The following ASXL3 variants were observed in gnomAD, a reference collection of about 807,000 sequenced individuals.
The protein encoded by ASXL3 is putative Polycomb group protein ASXL3.
In ASXL3, 34 loss-of-function variants were observed where a neutral mutation model predicts 170.6. The ratio of observed to expected loss-of-function variants is 0.20; its 90% CI spans 0.15 to 0.27. The LOEUF (loss-of-function observed/expected upper bound fraction) is 0.27. Ranked by LOEUF, ASXL3 falls within the 10% of genes least tolerant of loss-of-function variation. The probability of loss-of-function intolerance (pLI) is 1.00; values close to 1 mark genes in which losing one functional copy is unlikely to be tolerated. For synonymous variants in ASXL3, 1,002 were observed against 989.1 expected, an observed-to-expected ratio of 1.01 and a Z score of -0.24; for missense variants, 2,592 against 2,695.3, an observed-to-expected ratio of 0.96 and a Z score of 0.85.
At chr18:33,670,966 G>A (rs1015487445) in intron 6 of ASXL3, among the ~76,000 whole-genome samples, 176 bp downstream of exon 6, 1 of 152,070 alleles carries the variant, frequency 6.6e-6, no homozygotes, top group African/African-American at 2.4e-5. Flanking sequence ...TTCCAGTTCA[G>A]AAAAGAAAAA....
rs777664151 is a variant in ASXL3 at position 33,744,046 on chromosome 18, T to G, written c.4198T>G (p.Ser1400Ala). The change falls in exon 12 of 12, where the codon TCT becomes GCT. Residue 1400 changes from serine to alanine, a missense_variant. Transcript: ENST00000269197. ...TVRAALSCSDSVAVTDSLVAH... is the reference protein window; with the variant it reads ...TVRAALSCSDAVAVTDSLVAH... The stretch of plus-strand genomic sequence containing the variant: ...GAGAGCAGCCCTCAGCTGCAGTGAT[T>G]CTGTAGCGGTCACAGACTCTCTGGT... 2.5e-6 allele frequency: 4 copies of G among 1,614,014 alleles called. No individual in the cohort carries two copies. The highest frequency in any genetic ancestry group is 3.4e-6 in the Non-Finnish European group (4 of 1,179,884).
intron 5 of ASXL3, among the ~76,000 whole-genome samples, chr18:33,669,137 A>G (rs1022831848): frequency 6.6e-6 from 1 of 152,168 alleles, no homozygotes; most frequent in East Asian, 1.9e-4. Context: ...TCTATAAAGT[A>G]CTTTGAATTC....
At chr18:33,645,072 A>G in intron 3 of ASXL3, 70 bp downstream of exon 3, 1 of 1,030,098 alleles carries the variant, frequency 9.7e-7, no homozygotes. Flanking sequence ...GAAGGTAAAC[A>G]AAATTAGATT....
At chr18:33,631,377 A>G (rs1169640146) in intron 2 of ASXL3, among the ~76,000 whole-genome samples, 1 of 152,088 alleles carries the variant, frequency 6.6e-6, no homozygotes, top group African/African-American at 2.4e-5. Context: ...CACCTAATAA[A>G]TTAATCAGTC....
chr18:33,713,891 C>T (rs1486169086), intron 8 of ASXL3, among the ~76,000 whole-genome samples: 2 of 152,134 alleles, frequency 1.3e-5, no homozygotes, highest in African/African-American at 2.4e-5. Context: ...AGGTACATTC[C>T]TAGAAAGAAA....
At chr18:33,692,024 G>A (rs1002475079) in intron 8 of ASXL3, among the ~76,000 whole-genome samples, 5 of 152,204 alleles carry the variant, frequency 3.3e-5, no homozygotes, top group African/African-American at 1.2e-4. Context: ...AAAACCATGG[G>A]AGTGAGAATG....
intron 4 of ASXL3, among the ~76,000 whole-genome samples, chr18:33,659,381 G>T (rs1243309665): frequency 1.3e-5 from 2 of 151,944 alleles, no homozygotes; most frequent in South Asian, 2.1e-4. Context: ...TCCTTTAAAC[G>T]AACTAACCTG....
chr18:33,652,217 G>C (rs1461890589), intron 4 of ASXL3, among the ~76,000 whole-genome samples: 1 of 151,910 alleles, frequency 6.6e-6, no homozygotes, highest in Non-Finnish European at 1.5e-5. Flanking sequence ...TGTCTGAGTT[G>C]TTTTCTGAGC....
At chr18:33,631,731 C>T (rs1274540400) in intron 2 of ASXL3, among the ~76,000 whole-genome samples, 1 of 152,086 alleles carries the variant, frequency 6.6e-6, no homozygotes, top group Non-Finnish European at 1.5e-5. Context: ...ACCTCAGCCC[C>T]ATCCAGATAT....
intron 4 of ASXL3, among the ~76,000 whole-genome samples, chr18:33,651,634 T>C (rs1331105846): frequency 3.9e-5 from 6 of 152,108 alleles, no homozygotes; most frequent in Non-Finnish European, 7.4e-5. Context: ...GCTACCATAG[T>C]GTTATATTGG....
At chr18:33,605,598 G>T (rs2145120280) in intron 1 of ASXL3, 1 of 152,310 alleles carries the variant, frequency 6.6e-6, no homozygotes, top group South Asian at 2.1e-4. Context: ...ATTGCTGGGA[G>T]GAGCTGCCCA....
intron 2 of ASXL3, among the ~76,000 whole-genome samples, chr18:33,619,290 A>G (rs964570774): frequency 1.3e-5 from 2 of 152,244 alleles, no homozygotes; most frequent in South Asian, 4.1e-4. Flanking sequence ...ATAAGATTCT[A>G]TCGAGTAAAC....
intron 5 of ASXL3, among the ~76,000 whole-genome samples, chr18:33,664,594 A>G (rs773739310): frequency 3.9e-5 from 6 of 152,164 alleles, no homozygotes; most frequent in Non-Finnish European, 5.9e-5. Flanking sequence ...CCTAAAACCA[A>G]ATAGCTTTAT....
At chr18:33,667,854 A>T (rs1340207654) in intron 5 of ASXL3, among the ~76,000 whole-genome samples, 1 of 152,242 alleles carries the variant, frequency 6.6e-6, no homozygotes, top group Non-Finnish European at 1.5e-5. Context: ...ACCATTATAA[A>T]TCAGCAGCAC....
In ASXL3 at chr18:33,744,403, G is replaced by C; in HGVS notation, c.4555G>C (p.Val1519Leu). Residue 1519 changes from valine (V) to leucine (L), a missense_variant, in exon 12 of 12, where the codon GTG becomes CTG. By Grantham distance (32) the Val-to-Leu change is conservative. This residue lies in a region of ASXL3 where 2,246 missense variants were observed against 2,219.6 expected (regional missense o/e 1.01). Coordinates refer to ENST00000269197, the MANE Select transcript of ASXL3 (RefSeq NM_030632.3). ...CGTACAGCCCGTGGCGTGTCCTCAG[G>C]TGTCTGTGATTAGCAGGCCTGAGCC... is the stretch of plus-strand genomic sequence containing the variant. ...ASVQPVACPQ[V>L]SVISRPEPVA... The C allele has an allele frequency of 6.2e-7, 1 of 1,613,862 alleles. No homozygotes were observed. Among genetic ancestry groups the C allele is most frequent in the South Asian group, 1.1e-5 (1 of 91,060 alleles).
chr18:33,648,438 A>G (rs751164129), intron 4 of ASXL3, among the ~76,000 whole-genome samples: 2 of 152,142 alleles, frequency 1.3e-5, no homozygotes, highest in Non-Finnish European at 2.9e-5. Flanking sequence ...GTTGAACAAT[A>G]GCATTGTCCT....
At chr18:33,678,716 TG>T (rs1227913692) in intron 7 of ASXL3, among the ~76,000 whole-genome samples, 1 of 152,196 alleles carries the variant, frequency 6.6e-6, no homozygotes, top group Non-Finnish European at 1.5e-5. Context: ...TTTCCTTCTC[TG>T]GGTACTATAG....
At chr18:33,611,735 A>G (rs1291638006) in intron 2 of ASXL3, among the ~76,000 whole-genome samples, 6 of 152,042 alleles carry the variant, frequency 3.9e-5, no homozygotes, top group Non-Finnish European at 8.8e-5. Context: ...GCAGTAAGTG[A>G]AAGTATTCAT....
chr18:33,703,173 G>T (rs961367932), intron 8 of ASXL3, among the ~76,000 whole-genome samples: 1 of 151,978 alleles, frequency 6.6e-6, no homozygotes, highest in Non-Finnish European at 1.5e-5. Flanking sequence ...AATTGCTCAC[G>T]ACCAAAATCT....
Sources: gnomAD v4.1 joint callset for allele counts (sites outside exome capture counted in the v4.1 genomes callset) on GRCh38, gnomAD v4.1.1 for gene constraint, gnomAD v4.1.1 regional missense constraint, MANE v1.5 for transcripts, NCBI Gene and HGNC (gene_info 2026-07-23, HGNC 2026-07-21) for gene names.